The following HLCS variants were observed in gnomAD, a reference collection of about 807,000 sequenced individuals.
The protein encoded by HLCS is biotin--protein ligase.
In HLCS, 53 loss-of-function variants were observed where a neutral mutation model predicts 75.0. That is an observed-to-expected ratio of 0.71 (90% CI 0.57 to 0.89). The LOEUF is 0.89. Ranked by LOEUF, HLCS falls within the 40% of genes least tolerant of loss-of-function variation. The probability of loss-of-function intolerance (pLI) is 0.00; values close to 1 mark genes in which losing one functional copy is unlikely to be tolerated. For synonymous variants in HLCS, 431 were observed against 428.6 expected, an observed-to-expected ratio of 1.01 and a Z score of -0.07; for missense variants, 966 against 1,074.0, an observed-to-expected ratio of 0.90 and a Z score of 1.41.
At position 36,872,289 on chromosome 21, in the gene HLCS, G is replaced by A. The variant is rs569717820; in HGVS notation, c.1892+24571C>T. ...TACAAAAAAATTAGCCAGGCGTGGTGGCGGGCGCCTGTAGTCCCAGCTACT... is the reference window on the plus strand; with the variant it reads ...TACAAAAAAATTAGCCAGGCGTGGTAGCGGGCGCCTGTAGTCCCAGCTACT... On this transcript the variant is annotated intron_variant, in intron 6 of 10. Transcript: ENST00000674895. 1.4e-3 allele frequency among the ~76,000 whole-genome samples: 208 copies of A among 151,998 alleles called. 1 individual carries two copies. The highest frequency in any genetic ancestry group is 1.8e-3 in the Non-Finnish European group (125 of 67,982).
intron 2 of HLCS, chr21:36,943,138 A>C (rs2146560160): frequency 6.6e-6 from 1 of 152,298 alleles, no homozygotes; most frequent in East Asian, 1.9e-4. Context: ...AAGGTGCTGC[A>C]GCTGCCTTGG....
At chr21:36,801,479 T>C (rs1013184136) in intron 6 of HLCS, among the ~76,000 whole-genome samples, 1 of 152,226 alleles carries the variant, frequency 6.6e-6, no homozygotes, top group African/African-American at 2.4e-5. Context: ...AAAAATAATT[T>C]GAAAGAAAGA....
At position 36,776,672 on chromosome 21, in the gene HLCS, C is replaced by T. The variant is rs528759188; in HGVS notation, c.1893-9387G>A. On this transcript the variant is annotated intron_variant, in intron 6 of 10. Transcript: ENST00000674895. ...TTGTGATCCACCCATCTCAGCCCCC[C>T]AAAGTGCTGGGATTACAGGCGTGAG... 7.8e-4 allele frequency among the ~76,000 whole-genome samples: 118 copies of T among 152,236 alleles called. 1 individual carries two copies. The highest frequency in any genetic ancestry group is 1.4e-3 in the Non-Finnish European group (93 of 67,994).
chr21:36,910,364 G>A (rs1401266769), intron 5 of HLCS, among the ~76,000 whole-genome samples: 1 of 152,106 alleles, frequency 6.6e-6, no homozygotes, highest in Non-Finnish European at 1.5e-5. Context: ...GGCCAACATG[G>A]TGAAACCCCA....
At position 36,814,442 on chromosome 21, in the gene HLCS, T is replaced by A. The variant is rs1164770303; in HGVS notation, c.1893-47157A>T. On this transcript the variant is annotated intron_variant, in intron 6 of 10. Transcript: ENST00000674895. ...TTCTTAGTATGTCTCAAATCATGCATGGGATATACTTACACTAAAAAGCTA... is the reference window on the plus strand; with the variant it reads ...TTCTTAGTATGTCTCAAATCATGCAAGGGATATACTTACACTAAAAAGCTA... Among the ~76,000 whole-genome samples, 4 of 152,246 alleles carry A rather than the reference T, an allele frequency of 2.6e-5. No individual in the cohort carries two copies. In the East Asian group the frequency reaches 7.7e-4, roughly 29 times the overall value.
At chr21:36,921,540 G>A (rs189853831) in intron 5 of HLCS, among the ~76,000 whole-genome samples, 295 of 152,330 alleles carry the variant, frequency 1.9e-3, no homozygotes, top group Middle Eastern at 0.014. Context: ...TAAACTAAAA[G>A]TTTTTATAGA....
chr21:36,798,462 A>G (rs956695300), intron 6 of HLCS, among the ~76,000 whole-genome samples: 2 of 152,236 alleles, frequency 1.3e-5, no homozygotes, highest in East Asian at 1.9e-4. Context: ...TGCTATGAAT[A>G]TCTACATACA....
intron 6 of HLCS, among the ~76,000 whole-genome samples, chr21:36,806,449 A>C (rs2061362256): frequency 6.6e-6 from 1 of 152,122 alleles, no homozygotes; most frequent in Admixed American, 6.5e-5. Flanking sequence ...ACAACTTTTG[A>C]AAGAAGCAGG....
At chr21:36,771,193 C>A (rs952051039) in intron 6 of HLCS, among the ~76,000 whole-genome samples, 3 of 151,022 alleles carry the variant, frequency 2.0e-5, no homozygotes, top group Non-Finnish European at 2.9e-5. Context: ...GCACTCCAGC[C>A]TGGGCGACAG....
At chr21:36,790,819 T>G (rs1408440106) in intron 6 of HLCS, among the ~76,000 whole-genome samples, 1 of 152,046 alleles carries the variant, frequency 6.6e-6, no homozygotes, top group Non-Finnish European at 1.5e-5. Context: ...GCACTTCAGG[T>G]TCTGGGAGCA....
intron 6 of HLCS, among the ~76,000 whole-genome samples, chr21:36,877,984 T>C (rs2064050424): frequency 6.6e-6 from 1 of 152,134 alleles, no homozygotes; most frequent in Non-Finnish European, 1.5e-5. Context: ...AATGCTGTTT[T>C]CCTCAGATTA....
rs371198062 is a variant in HLCS, at chr21:36,756,271, C to T, written c.2450+271G>A. ...GGCTAACACGGTGAAACCCCACCTCCACTAAAAATACAAAAAATTAGCCGG... is the reference window on the plus strand; with the variant it reads ...GGCTAACACGGTGAAACCCCACCTCTACTAAAAATACAAAAAATTAGCCGG... On this transcript the variant is annotated intron_variant, in intron 10 of 10. Coordinates refer to ENST00000674895, the MANE Select transcript of HLCS (RefSeq NM_001352514.2). 0.047 allele frequency among the ~76,000 whole-genome samples: 7,160 copies of T among 151,538 alleles called. 421 individuals are homozygous for T. The highest frequency in any genetic ancestry group is 0.14 in the African/African-American group (5,846 of 41,250).
intron 2 of HLCS, chr21:36,945,861 C>T (rs2067368699): frequency 6.6e-6 from 1 of 152,244 alleles, no homozygotes; most frequent in Non-Finnish European, 1.5e-5. Flanking sequence ...GTTTGTTTGT[C>T]TCTACACTCT....
chr21:36,890,051 G>T (rs372050620), intron 6 of HLCS, among the ~76,000 whole-genome samples: 13 of 152,272 alleles, frequency 8.5e-5, no homozygotes, highest in Admixed American at 6.5e-4. Flanking sequence ...TGATGGTTTT[G>T]TAAGTGTTTG....
rs1383827079 is a variant in HLCS at position 36,772,874 on chromosome 21, G to A, written c.1893-5589C>T. Among the ~76,000 whole-genome samples, 7 of 151,154 alleles carry A rather than the reference G, an allele frequency of 4.6e-5. No individual in the cohort carries two copies. In the East Asian group the frequency reaches 9.8e-4, roughly 21 times the overall value. On this transcript the variant is annotated intron_variant, in intron 6 of 10. Transcript: ENST00000674895. ...CGCGCACCTGTAGTCCCAGCTACTCGAGAGGCTGAGGCAGGAAAATGGCTT... is the reference window on the plus strand; with the variant it reads ...CGCGCACCTGTAGTCCCAGCTACTCAAGAGGCTGAGGCAGGAAAATGGCTT...
chr21:36,849,620 G>T (rs1392281747), intron 6 of HLCS, among the ~76,000 whole-genome samples: 1 of 152,168 alleles, frequency 6.6e-6, no homozygotes, highest in African/African-American at 2.4e-5. Flanking sequence ...GGTGGTCAGG[G>T]CACAGCCAAG....
intron 5 of HLCS, among the ~76,000 whole-genome samples, chr21:36,926,848 T>C (rs2066429930): frequency 6.8e-6 from 1 of 147,796 alleles, no homozygotes; most frequent in Non-Finnish European, 1.5e-5. Context: ...GCTCAGGCAA[T>C]CCTCCTGCCT....
rs117836895 is a variant in HLCS, at chr21:36,982,458, C to A, written c.-393+7700G>T. Among the ~76,000 whole-genome samples the A allele has an allele frequency of 3.7e-3, 557 of 152,330 alleles. 7 individuals carry two copies. In the East Asian group the frequency reaches 0.047, roughly 13 times the overall value. The stretch of plus-strand genomic sequence containing the variant: ...TCCAAAGCAGTTATACCAATGTACA[C>A]TCCCATTAAAAGTGACTTTTGTTTT... On this transcript the variant is annotated intron_variant, in intron 1 of 11. Transcript: ENST00000336648.
At position 36,979,008 on chromosome 21, in the gene HLCS, G is replaced by A. The variant is rs201308488; in HGVS notation, c.-393+11150C>T. On this transcript the variant is annotated intron_variant, in intron 1 of 11. Coordinates refer to the HLCS transcript ENST00000336648. ...AAATTGGCCAGGTGCGGTGGCTCAC[G>A]CCTGTAATCCCAGCACTTTGGGAGG... 7.2e-5 allele frequency among the ~76,000 whole-genome samples: 11 copies of A among 152,150 alleles called. No homozygotes were observed. In the East Asian group the frequency reaches 1.7e-3, roughly 24 times the overall value.
Sources: allele counts gnomAD v4.1 joint callset (sites outside exome capture counted in the v4.1 genomes callset), GRCh38; gene constraint gnomAD v4.1.1; transcripts MANE v1.5; gene names NCBI Gene and HGNC (gene_info 2026-07-23, HGNC 2026-07-21).